ANKLE2: variants seen among roughly 807,000 people sequenced by gnomAD.
ANKLE2 encodes the protein ankyrin repeat and LEM domain containing 2.
In ANKLE2, 55 loss-of-function variants were observed where a neutral mutation model predicts 84.2. The ratio of observed to expected loss-of-function variants is 0.65; its 90% confidence interval spans 0.53 to 0.82. The LOEUF (loss-of-function observed/expected upper bound fraction) is 0.82, where lower values mean the gene tolerates loss of function less well. Ranked by LOEUF, ANKLE2 falls within the 40% of genes least tolerant of loss-of-function variation. The pLI is 0.00. For missense variants in ANKLE2, 1,238 were observed against 1,201.9 expected (o/e 1.03, Z -0.44); for synonymous variants, 551 against 486.1 (o/e 1.13, Z -1.76).
rs1460992888 is a variant in ANKLE2 at position 132,730,290 on chromosome 12, C to T, written c.1892-20G>A. The T allele has an allele frequency of 6.5e-7, 1 of 1,537,976 alleles. No homozygotes were observed. Among genetic ancestry groups the T allele is most frequent in the Non-Finnish European group, 8.8e-7 (1 of 1,142,098 alleles). On this transcript the variant is annotated intron_variant, in intron 10 of 12. Coordinates refer to ENST00000357997, the MANE Select transcript of ANKLE2 (RefSeq NM_015114.3). ...TGCTGCCTGTGAGGACAACAAGGAG[C>T]ACTTCAGTGATGGGAACGACAGGAA...
intron 3 of ANKLE2, among the ~76,000 whole-genome samples, 160 bp from the exon 4 acceptor site, chr12:132,748,491 C>G (rs562135283): frequency 6.6e-6 from 1 of 152,314 alleles, no homozygotes; most frequent in South Asian, 2.1e-4. Flanking sequence ...GGCCACCGGC[C>G]CCAGCATGCA....
At chr12:132,728,260 T>C in intron 11 of ANKLE2, 97 bp from the exon 12 acceptor site, 1 of 1,470,694 alleles carries the variant, frequency 6.8e-7, no homozygotes, top group Non-Finnish European at 9.3e-7. Context: ...GACGGAGTCT[T>C]GCTCTGTCGC....
rs754509463 is a variant in ANKLE2, at chr12:132,755,015, G to T, written c.300C>A (p.Phe100Leu). The change falls in exon 2 of 13, where the codon TTC becomes TTA. Residue 100 changes from phenylalanine (F) to leucine (L), a missense_variant. By Grantham distance (22) the Phe-to-Leu change is conservative. Around this residue, in one of 3 missense-constraint regions of ANKLE2, gnomAD observed 422 missense variants for 394.5 expected, o/e 1.07. Transcript: ENST00000357997. ...KCGPITSTTR[F>L]IFEKKLAQAL... ...CCTGAGCCAATTTTTTCTCAAAAAT[G>T]AACCTTGTAGTTGATGTAATGGGTC... The T allele has an allele frequency of 1.2e-6, 2 of 1,614,174 alleles. No individual in the cohort carries two copies. Among genetic ancestry groups the T allele is most frequent in the South Asian group, 2.2e-5 (2 of 91,082 alleles).
chr12:132,749,517 C>A (rs1208336201), intron 3 of ANKLE2, among the ~76,000 whole-genome samples: 2 of 152,300 alleles, frequency 1.3e-5, no homozygotes, highest in African/African-American at 4.8e-5. Context: ...AGAAGGAAAT[C>A]CGTACCTGTT....
At chr12:132,733,855 T>C (rs138088306) in intron 10 of ANKLE2, 153 of 426,162 alleles carry the variant, frequency 3.6e-4, no homozygotes, top group African/African-American at 2.8e-3. Flanking sequence ...TCAGCTATTA[T>C]GAGTTTTGAG....
Position 132,734,539 on chromosome 12 carries a change from T to C in ANKLE2, c.1737A>G (p.Glu579=). 6.2e-7 allele frequency: 1 copy of C among 1,613,938 alleles called. No individual in the cohort carries two copies. Among genetic ancestry groups the C allele is most frequent in the Non-Finnish European group, 8.5e-7 (1 of 1,179,956 alleles). The change falls in exon 10 of 13, where the codon GAA becomes GAG. Residue 579 remains glutamate (E), a synonymous_variant. Transcript: ENST00000357997. ...LAHELGYPWV[E]YWEFLGCFVD... Reference sequence around the variant, plus strand: ...CAAAACAGCCCAGAAATTCCCAGTATTCAACCCAGGGATACCCCAGCTCAT... The same window carrying C: ...CAAAACAGCCCAGAAATTCCCAGTACTCAACCCAGGGATACCCCAGCTCAT...
intron 10 of ANKLE2, chr12:132,732,354 T>C (rs1220639665): frequency 3.3e-5 from 4 of 121,140 alleles, no homozygotes; most frequent in African/African-American, 1.0e-4. Context: ...CTCTGCGTCC[T>C]GGTGTCTGAT....
At chr12:132,746,192 CAA>C (rs1477496533) in intron 5 of ANKLE2, among the ~76,000 whole-genome samples, 1 of 151,746 alleles carries the variant, frequency 6.6e-6, no homozygotes, top group Admixed American at 6.6e-5. Flanking sequence ...ACTAAAAATA[CAA>C]AAAAATTAGC....
rs964731524 is a variant in ANKLE2, at chr12:132,725,745, G to A, written c.*1497C>T. The A allele has an allele frequency of 2.6e-5, 4 of 152,358 alleles. No homozygotes were observed. The East Asian group carries it at 7.7e-4, about 29-fold the overall frequency. The allele number at this position is 152,358 out of a possible 1,614,324, so 9.4% of individuals were successfully genotyped here. A position where few individuals can be genotyped will look rare whatever the true frequency, so the allele number is the denominator to read the frequency against. The stretch of plus-strand genomic sequence containing the variant: ...ATATGGTAAGATTTTAGAGAAAACA[G>A]ATCATCACTACGAATATCCATATTC... On this transcript the variant is annotated 3_prime_UTR_variant, in exon 13 of 13. Coordinates refer to ENST00000357997, the MANE Select transcript of ANKLE2 (RefSeq NM_015114.3).
intron 9 of ANKLE2, 189 bp from the exon 10 acceptor site, chr12:132,734,764 G>GT (rs1432283660): frequency 5.0e-6 from 3 of 598,092 alleles, no homozygotes; most frequent in Non-Finnish European, 8.5e-6. Flanking sequence ...CTCCTCACAG[G>GT]TAAGCAGGAC....
chr12:132,741,548 G>C (rs988930959), intron 6 of ANKLE2, 63 bp from the exon 7 acceptor site: 10 of 1,490,188 alleles, frequency 6.7e-6, no homozygotes, highest in Non-Finnish European at 9.4e-6. Context: ...TCATTACAAT[G>C]ATTTCAGAAA....
In ANKLE2 at chr12:132,727,193, C is replaced by T. The variant is rs1473590115; in HGVS notation, c.*49G>A. On this transcript the variant is annotated 3_prime_UTR_variant, in exon 13 of 13. Transcript: ENST00000357997. Reference sequence around the variant, plus strand: ...TGACAGTTTAGCAATAAACATATGACCCTTCCTTCTTTAAAAATGAAGAAC... The same window carrying T: ...TGACAGTTTAGCAATAAACATATGATCCTTCCTTCTTTAAAAATGAAGAAC... 2 of 1,474,428 alleles carry T rather than the reference C, an allele frequency of 1.4e-6. No homozygotes were observed. The highest frequency in any genetic ancestry group is 1.8e-6 in the Non-Finnish European group (2 of 1,105,222). 91.3% of individuals were successfully genotyped at this position (1,474,428 alleles called of 1,614,324 possible). A position where few individuals can be genotyped will look rare whatever the true frequency, so the allele number is the denominator to read the frequency against.
In ANKLE2 at chr12:132,743,749, C is replaced by T. The variant is rs1462367807; in HGVS notation, c.1231-473G>A. Among the ~76,000 whole-genome samples, 1 of 152,166 alleles carries T rather than the reference C, an allele frequency of 6.6e-6. No homozygotes were observed. Among genetic ancestry groups the T allele is most frequent in the Non-Finnish European group, 1.5e-5 (1 of 68,042 alleles). On this transcript the variant is annotated intron_variant, in intron 5 of 12. Transcript: ENST00000357997. This position sits in a 1 kb window ranked among gnomAD's most constrained non-coding sequence, Gnocchi z 4.1. The stretch of plus-strand genomic sequence containing the variant: ...TTGGCATTCTAGCACATACCCACTT[C>T]GTGCCAAGGCTTGAGCTTAGCATAC...
chr12:132,730,343 GACCAAC>G, intron 10 of ANKLE2, 73 bp from the exon 11 acceptor site: 1 of 503,436 alleles, frequency 2.0e-6, no homozygotes, highest in East Asian at 3.8e-5. Flanking sequence ...CCCCATCCAT[GACCAAC>G]TGCCGTGACC....
rs181110288 is a variant in ANKLE2, at chr12:132,744,247, A to T, written c.1231-971T>A. On this transcript the variant is annotated intron_variant, in intron 5 of 12. Coordinates refer to ENST00000357997, the MANE Select transcript of ANKLE2 (RefSeq NM_015114.3). ...AGACCTGAAGGGCCAACTCCCTCCC[A>T]GTCACCTCACTTGGACATCCCACAG... Among the ~76,000 whole-genome samples, 5 of 152,282 alleles carry T rather than the reference A, an allele frequency of 3.3e-5. No homozygotes were observed. In the East Asian group the frequency reaches 9.7e-4, roughly 29 times the overall value.
chr12:132,734,392 G>A lies in ANKLE2; in HGVS notation c.1884C>T (p.Thr628=), dbSNP rs772363509. Residue 628 remains threonine, a synonymous_variant, in exon 10 of 13, where the codon ACC becomes ACT. Transcript: ENST00000357997. ...EREASCRDKA[T]TSGSNSISVR... ...ACGCCTGCACATGCTTACCAGACGTGGTGGCTTTATCTCGGCAGGAGGCTT... is the reference window on the plus strand; with the variant it reads ...ACGCCTGCACATGCTTACCAGACGTAGTGGCTTTATCTCGGCAGGAGGCTT... 1.2e-6 allele frequency: 2 copies of A among 1,613,978 alleles called. No homozygotes were observed. Among genetic ancestry groups the A allele is most frequent in the African/African-American group, 1.3e-5 (1 of 75,048 alleles).
intron 1 of ANKLE2, chr12:132,761,401 C>A (rs1010646242): frequency 2.5e-5 from 9 of 363,232 alleles, no homozygotes; most frequent in African/African-American, 1.5e-4. Context: ...ACCCCCGAAC[C>A]CGGCGTGGCC....
In ANKLE2 at chr12:132,727,419, T is replaced by A; in HGVS notation, c.2640A>T (p.Gly880=). ...RQSWPSPAVK[G]RFKSQLPDLS... is the part of the protein sequence containing the mutation. ...GATCTGGCAGCTGAGACTTGAACCT[T>A]CCTTTCACCGCGGGACTGGGCCAAC... is the stretch of plus-strand genomic sequence containing the variant. Residue 880 remains glycine (G), a synonymous_variant, in exon 13 of 13, where the codon GGA becomes GGT. Coordinates refer to ENST00000357997, the MANE Select transcript of ANKLE2 (RefSeq NM_015114.3). The A allele has an allele frequency of 6.4e-7, 1 of 1,558,966 alleles. No homozygotes were observed. The highest frequency in any genetic ancestry group is 8.7e-7 in the Non-Finnish European group (1 of 1,151,344).
intron 2 of ANKLE2, among the ~76,000 whole-genome samples, chr12:132,752,705 T>C (rs894644867): frequency 2.3e-4 from 35 of 152,074 alleles, no homozygotes; most frequent in African/African-American, 8.0e-4. Flanking sequence ...CAGAACAATA[T>C]TCCATTCTAT....
Sources: allele counts gnomAD v4.1 joint callset (sites outside exome capture counted in the v4.1 genomes callset), GRCh38; gene constraint gnomAD v4.1.1; regional missense constraint gnomAD v4.1.1; non-coding constraint Gnocchi (gnomAD v3.1); transcripts MANE v1.5; gene names NCBI Gene and HGNC (gene_info 2026-07-23, HGNC 2026-07-21).